The following DRC9 variants were observed in gnomAD, a reference collection of about 807,000 sequenced individuals.
DRC9 encodes the protein dynein regulatory complex subunit 9, also known as dynein regulatory complex protein 9.
chr3:197,938,156 A>C, the DRC9 span, among the ~76,000 whole-genome samples: 2 of 151,994 alleles, frequency 1.3e-5, no homozygotes, highest in African/African-American at 4.8e-5. Context: ...TGTCTACTAA[A>C]AAATACAAAA....
At chr3:197,942,255 G>A in the DRC9 span, among the ~76,000 whole-genome samples, 2 of 150,898 alleles carry the variant, frequency 1.3e-5, no homozygotes, top group Non-Finnish European at 2.9e-5. Flanking sequence ...TTTAATGAAA[G>A]CTTTAAGAAC....
chr3:197,897,404 C>CT, the DRC9 span, among the ~76,000 whole-genome samples: 1 of 152,044 alleles, frequency 6.6e-6, no homozygotes, highest in East Asian at 1.9e-4. Flanking sequence ...CCGCTATATT[C>CT]TTTTTTTGGT....
At chr3:197,917,675 T>A in the DRC9 span, among the ~76,000 whole-genome samples, 1 of 152,060 alleles carries the variant, frequency 6.6e-6, no homozygotes, top group Non-Finnish European at 1.5e-5. Flanking sequence ...GCTCACTGTT[T>A]TTCTTCCATT....
At chr3:197,938,249 G>A in the DRC9 span, among the ~76,000 whole-genome samples, 46 of 151,600 alleles carry the variant, frequency 3.0e-4, no homozygotes, top group African/African-American at 1.1e-3. Flanking sequence ...CCCGGGAGGC[G>A]GAGGCTGCAC....
At chr3:197,953,297 T>C in the DRC9 span, among the ~76,000 whole-genome samples, 1 of 152,174 alleles carries the variant, frequency 6.6e-6, no homozygotes, top group Non-Finnish European at 1.5e-5. Flanking sequence ...GATTGCTTGA[T>C]GCCAGGAGAT....
At chr3:197,894,791 G>C in the DRC9 span, among the ~76,000 whole-genome samples, 1 of 152,152 alleles carries the variant, frequency 6.6e-6, no homozygotes, top group Non-Finnish European at 1.5e-5. Context: ...ACACTGAGCG[G>C]GGTGGCTTGT....
chr3:197,956,698 A>G, the DRC9 span: 2 of 145,472 alleles, frequency 1.4e-5, no homozygotes, highest in African/African-American at 5.2e-5. Context: ...ATTACAGCTT[A>G]CTGCAACCTC....
the DRC9 span, chr3:197,943,709 G>A: frequency 3.2e-6 from 4 of 1,246,526 alleles, no homozygotes; most frequent in African/African-American, 3.0e-5. Flanking sequence ...CATTTAATGG[G>A]ATAGGTACTA....
chr3:197,923,936 C>T, the DRC9 span, among the ~76,000 whole-genome samples: 14 of 150,866 alleles, frequency 9.3e-5, no homozygotes, highest in East Asian at 9.9e-4. Flanking sequence ...CGTGGTGGCA[C>T]GTGCCTGTAG....
the DRC9 span, chr3:197,959,690 T>A: frequency 6.6e-6 from 1 of 152,590 alleles, no homozygotes; most frequent in East Asian, 1.9e-4. Context: ...CCCCCTTATC[T>A]CAGGTGCAGT....
the DRC9 span, chr3:197,956,624 G>GTTTTGTTTTTTTT: frequency 1.5e-5 from 2 of 135,190 alleles, no homozygotes; most frequent in Non-Finnish European, 3.2e-5. Flanking sequence ...TTGCTGTATG[G>GTTTTGTTTTTTTT]TTTTTTTTTT....
At chr3:197,919,690 C>T in the DRC9 span, among the ~76,000 whole-genome samples, 1 of 152,174 alleles carries the variant, frequency 6.6e-6, no homozygotes, top group Non-Finnish European at 1.5e-5. Flanking sequence ...GCCATAATAA[C>T]GTGAGCCAAG....
At chr3:197,913,652 T>C in the DRC9 span, 1 of 607,554 alleles carries the variant, frequency 1.6e-6, no homozygotes, top group South Asian at 2.0e-5. Context: ...TGCAGCCAAT[T>C]TTCAAAGTCA....
At chr3:197,897,317 C>G in the DRC9 span, among the ~76,000 whole-genome samples, 3 of 152,010 alleles carry the variant, frequency 2.0e-5, no homozygotes, top group Admixed American at 2.0e-4. Flanking sequence ...ATAAATCAAT[C>G]AAGCCAAATA....
chr3:197,890,456 T>C, the DRC9 span, among the ~76,000 whole-genome samples: 32 of 152,288 alleles, frequency 2.1e-4, no homozygotes, highest in African/African-American at 7.7e-4. Flanking sequence ...TTCATAGGCT[T>C]GCTTGTGCAT....
the DRC9 span, among the ~76,000 whole-genome samples, chr3:197,929,469 A>G: frequency 4.1e-4 from 63 of 152,244 alleles, no homozygotes; most frequent in Admixed American, 1.6e-3. The surrounding 1 kb of genome is among the most constrained non-coding windows in gnomAD (Gnocchi z 4.6). Context: ...CAATTCCCCT[A>G]ACATTAAAAA....
At chr3:197,954,536 G>T in the DRC9 span, 4 of 326,778 alleles carry the variant, frequency 1.2e-5, no homozygotes, top group South Asian at 2.5e-5. Context: ...TTGAGACAAG[G>T]TCTCACTTTG....
the DRC9 span, chr3:197,912,642 A>G: frequency 1.3e-6 from 2 of 1,517,708 alleles, no homozygotes; most frequent in African/African-American, 1.4e-5. Context: ...TACAAAAAAA[A>G]AGTCAAAGCA....
the DRC9 span, chr3:197,951,628 C>G: frequency 5.5e-6 from 2 of 364,056 alleles, no homozygotes; most frequent in Non-Finnish European, 1.0e-5. Flanking sequence ...GCTGAGATTA[C>G]AGGCTTGAGC....
Sources: allele counts gnomAD v4.1 joint callset (sites outside exome capture counted in the v4.1 genomes callset), GRCh38; gene constraint gnomAD v4.1.1; non-coding constraint Gnocchi (gnomAD v3.1); transcripts MANE v1.5; gene names NCBI Gene and HGNC (gene_info 2026-07-23, HGNC 2026-07-21).